The following GRIK1 variants were observed in gnomAD, a reference collection of about 807,000 sequenced individuals.
GRIK1 encodes glutamate receptor ionotropic, kainate 1.
In GRIK1, 69 loss-of-function variants were observed where a neutral mutation model predicts 105.7. The observed-to-expected ratio is 0.65, with a 90% CI of 0.54 to 0.80. The LOEUF (loss-of-function observed/expected upper bound fraction) is 0.80, where lower values mean the gene tolerates loss of function less well. Among genes scored for constraint, GRIK1 ranks in the 30% least tolerant of loss-of-function variants. GRIK1 has a pLI of 0.00. For missense variants in GRIK1, 1,109 were observed against 1,167.3 expected, an observed-to-expected ratio of 0.95 and a Z score of 0.73; for synonymous variants, 438 against 431.3, an observed-to-expected ratio of 1.02 and a Z score of -0.19.
chr21:29,777,591 T>C (rs2065978921), intron 1 of GRIK1, among the ~76,000 whole-genome samples: 1 of 152,048 alleles, frequency 6.6e-6, no homozygotes, highest in South Asian at 2.1e-4. Flanking sequence ...GAGCATAGAG[T>C]GTTAAGGACA....
intron 1 of GRIK1, among the ~76,000 whole-genome samples, chr21:29,810,765 T>C (rs2066988635): frequency 6.6e-6 from 1 of 152,136 alleles, no homozygotes. Context: ...TGATTCAAAA[T>C]TCTGCCGTGA....
intron 1 of GRIK1, among the ~76,000 whole-genome samples, chr21:29,926,590 G>A (rs747970467): frequency 5.9e-5 from 9 of 151,904 alleles, no homozygotes; most frequent in Non-Finnish European, 8.8e-5. Context: ...GCTCTGCCTC[G>A]TGTTGAACAC....
At position 29,561,769 on chromosome 21, in the gene GRIK1, A is replaced by G. The variant is rs973049117; in HGVS notation, c.2211T>C (p.Asp737=). Reference sequence around the variant, plus strand: ...TGGTGAGCACTCTCTGGATCCCCTCATCACTGTTTCTTACCAGGGCGGTCT... The same window carrying G: ...TGGTGAGCACTCTCTGGATCCCCTCGTCACTGTTTCTTACCAGGGCGGTCT... The part of the protein sequence containing the change: ...RQQTALVRNS[D]EGIQRVLTTD... Residue 737 remains aspartate (D), a synonymous_variant, in exon 15 of 18, where the codon GAT becomes GAC. Coordinates refer to ENST00000327783, the MANE Select transcript of GRIK1 (RefSeq NM_001330994.2). 1.2e-6 allele frequency: 2 copies of G among 1,613,770 alleles called. No individual in the cohort carries two copies. The highest frequency in any genetic ancestry group is 2.2e-5 in the East Asian group (1 of 44,894).
At chr21:29,619,311 C>A (rs981431051) in intron 7 of GRIK1, among the ~76,000 whole-genome samples, 1 of 151,268 alleles carries the variant, frequency 6.6e-6, no homozygotes, top group Non-Finnish European at 1.5e-5. Context: ...GCAGCGTGCA[C>A]CTGTAGGCCC....
At position 29,905,809 on chromosome 21, in the gene GRIK1, G is replaced by C. The variant is rs1171531586; in HGVS notation, c.118+33574C>G. Reference sequence around the variant, plus strand: ...GCCCGGCTAATTTTTTGTATTTTTAGTAGAGACGGGATTTTGCCATGTTGG... The same window carrying C: ...GCCCGGCTAATTTTTTGTATTTTTACTAGAGACGGGATTTTGCCATGTTGG... On this transcript the variant is annotated intron_variant, in intron 1 of 17. Coordinates refer to ENST00000327783, the MANE Select transcript of GRIK1 (RefSeq NM_001330994.2). Among the ~76,000 whole-genome samples, 3 of 151,820 alleles carry C rather than the reference G, an allele frequency of 2.0e-5. No individual in the cohort carries two copies. The East Asian group carries it at 5.8e-4, about 29-fold the overall frequency.
intron 15 of GRIK1, among the ~76,000 whole-genome samples, chr21:29,558,861 C>T (rs952539242): frequency 5.3e-5 from 8 of 152,046 alleles, no homozygotes; most frequent in African/African-American, 1.9e-4. Flanking sequence ...TCCCTCCTAC[C>T]TCCAGCCCTG....
intron 1 of GRIK1, among the ~76,000 whole-genome samples, chr21:29,716,024 C>A (rs1039131408): frequency 2.4e-4 from 36 of 152,102 alleles, no homozygotes; most frequent in African/African-American, 7.7e-4. Context: ...AAGCTGTTCT[C>A]ATGATAGTGA....
intron 1 of GRIK1, among the ~76,000 whole-genome samples, chr21:29,840,012 G>A (rs1213286305): frequency 6.6e-6 from 1 of 152,174 alleles, no homozygotes; most frequent in East Asian, 1.9e-4. Flanking sequence ...TATTTTAATG[G>A]TCAGTGATGC....
In GRIK1 at chr21:29,826,900, A is replaced by G. The variant is rs918669085; in HGVS notation, c.118+112483T>C. 2.6e-5 allele frequency among the ~76,000 whole-genome samples: 4 copies of G among 152,246 alleles called. No individual in the cohort carries two copies. The South Asian group carries it at 6.2e-4, about 24-fold the overall frequency. ...AATCACTTGCTTGTATTATAAACCT[A>G]AGCAACAAATTCAAAGTCTTCTACA... On this transcript the variant is annotated intron_variant, in intron 1 of 17. Coordinates refer to ENST00000327783, the MANE Select transcript of GRIK1 (RefSeq NM_001330994.2).
At chr21:29,863,358 GA>G (rs1366673510) in intron 1 of GRIK1, among the ~76,000 whole-genome samples, 1 of 152,066 alleles carries the variant, frequency 6.6e-6, no homozygotes, top group East Asian at 1.9e-4. Flanking sequence ...GAATTGCTTT[GA>G]TTTTTAAATC....
At chr21:29,870,805 A>G (rs989776009) in intron 1 of GRIK1, among the ~76,000 whole-genome samples, 18 of 152,118 alleles carry the variant, frequency 1.2e-4, no homozygotes, top group African/African-American at 3.9e-4. Context: ...ATATTCATCT[A>G]TTCTTTAAAT....
chr21:29,635,005 C>T (rs1316136122), intron 7 of GRIK1, among the ~76,000 whole-genome samples: 1 of 152,096 alleles, frequency 6.6e-6, no homozygotes, highest in Non-Finnish European at 1.5e-5. Flanking sequence ...AGATACAGAG[C>T]CTAGTTGGAG....
At chr21:29,616,814 G>A (rs1006790937) in intron 7 of GRIK1, among the ~76,000 whole-genome samples, 2 of 152,216 alleles carry the variant, frequency 1.3e-5, no homozygotes, top group African/African-American at 4.8e-5. Context: ...CTTCAAAGAT[G>A]TCGCTTTCAA....
At chr21:29,928,102 T>A (rs2071446121) in intron 1 of GRIK1, among the ~76,000 whole-genome samples, 1 of 151,976 alleles carries the variant, frequency 6.6e-6, no homozygotes. Flanking sequence ...CTAAGGAGAG[T>A]TGATGAGCTA....
intron 7 of GRIK1, among the ~76,000 whole-genome samples, chr21:29,602,113 CT>C (rs34241963): frequency 1.3e-5 from 2 of 152,082 alleles, no homozygotes; most frequent in African/African-American, 4.8e-5. Flanking sequence ...CATTTTGTCC[CT>C]TTTTTAGGCC....
Position 29,587,552 on chromosome 21 carries a change from TAGGTG to T in GRIK1, c.1602_1606del (p.Thr535ArgfsTer7). ...GAAGTCAATGACTTTCTCCCGCACG[TAGGTG>T]ATGGTAAGAGGAGCCACTGCCAGGT... is the stretch of plus-strand genomic sequence containing the variant. On this transcript the variant is annotated frameshift_variant, in exon 12 of 18. Coordinates refer to ENST00000327783, the MANE Select transcript of GRIK1 (RefSeq NM_001330994.2). LOFTEE classifies it high-confidence loss of function. The T allele has an allele frequency of 6.2e-7, 1 of 1,613,514 alleles. No homozygotes were observed. Among genetic ancestry groups the T allele is most frequent in the Non-Finnish European group, 8.5e-7 (1 of 1,179,504 alleles).
Position 29,554,982 on chromosome 21 carries a change from T to TA in GRIK1, c.2607+69dup, listed in dbSNP as rs1407509519. 23 of 1,339,604 alleles carry TA rather than the reference T, an allele frequency of 1.7e-5. 1 individual carries two copies. Among genetic ancestry groups the TA allele is most frequent in the African/African-American group, 7.3e-5 (5 of 68,426 alleles). 83.0% of individuals were successfully genotyped at this position (1,339,604 alleles called of 1,614,324 possible). On this transcript the variant is annotated intron_variant, in intron 16 of 17. Transcript: ENST00000327783. ...TAGACTGAAAAAGAGCAAACATCCTTAAAAACCCCCAAACTTAAGACAGAT... is the reference window on the plus strand; with the variant it reads ...TAGACTGAAAAAGAGCAAACATCCTTAAAAAACCCCCAAACTTAAGACAGAT...
intron 1 of GRIK1, among the ~76,000 whole-genome samples, chr21:29,898,058 G>A (rs1429612903): frequency 5.9e-5 from 9 of 152,074 alleles, no homozygotes; most frequent in African/African-American, 7.2e-5. Flanking sequence ...TAGCTTCTTC[G>A]CCTACTGAGT....
chr21:29,783,855 T>C (rs1037534609), intron 1 of GRIK1, among the ~76,000 whole-genome samples: 5 of 152,232 alleles, frequency 3.3e-5, no homozygotes, highest in Non-Finnish European at 5.9e-5. Flanking sequence ...GTCCAAAGGA[T>C]ACACAGAAAA....
Sources: allele counts gnomAD v4.1 joint callset (sites outside exome capture counted in the v4.1 genomes callset), GRCh38; gene constraint gnomAD v4.1.1; transcripts MANE v1.5; gene names NCBI Gene and HGNC (gene_info 2026-07-23, HGNC 2026-07-21).